ZFAND5: variants seen among roughly 807,000 people sequenced by gnomAD.
ZFAND5 encodes the protein AN1-type zinc finger protein 5.
Under a neutral mutation model 23.6 loss-of-function variants are expected in ZFAND5, and 4 were observed. The observed-to-expected ratio is 0.17, with a 90% confidence interval of 0.08 to 0.39. ZFAND5 has a LOEUF of 0.39. ZFAND5 is among the 10% of genes least tolerant of loss of function. The pLI, the probability that ZFAND5 is intolerant of heterozygous loss-of-function variation, is 1.00. For synonymous variants in ZFAND5, 68 were observed against 80.6 expected (o/e 0.84, Z 0.84); for missense variants, 161 against 253.7 (o/e 0.63, Z 2.48).
At chr9:72,364,517 G>C (rs1842206070) in intron 1 of ZFAND5, 179 bp downstream of exon 1, 1 of 1,280,118 alleles carries the variant, frequency 7.8e-7, no homozygotes, top group African/African-American at 1.6e-5. Flanking sequence ...CACGACGACA[G>C]GATGACGCCT....
In ZFAND5 at chr9:72,359,529, A is replaced by G. The variant is rs1399612479; in HGVS notation, c.264-8T>C. 2 of 1,612,498 alleles carry G rather than the reference A, an allele frequency of 1.2e-6. No individual in the cohort carries two copies. Among genetic ancestry groups the G allele is most frequent in the Non-Finnish European group, 1.7e-6 (2 of 1,179,292 alleles). The stretch of plus-strand genomic sequence containing the variant: ...GCAGCCACAGGCACATTTCTATTTG[A>G]GTTCAAGCAAACAATTTTTAAAGGT... On this transcript the variant is annotated splice_polypyrimidine_tract_variant and splice_region_variant and intron_variant, in intron 4 of 6. Coordinates refer to ENST00000376962, the MANE Select transcript of ZFAND5 (RefSeq NM_001102420.3).
At chr9:72,359,608 T>TAG in intron 4 of ZFAND5, 87 bp from the exon 5 acceptor site, 1 of 1,248,038 alleles carries the variant, frequency 8.0e-7, no homozygotes, top group Non-Finnish European at 1.1e-6. Flanking sequence ...CTTTAAATTA[T>TAG]AGAATATTTC....
chr9:72,363,625 G>T lies in ZFAND5; in HGVS notation c.-146-19C>A. The T allele has an allele frequency of 1.0e-6, 1 of 983,328 alleles. No homozygotes were observed. Among genetic ancestry groups the T allele is most frequent in the Non-Finnish European group, 1.2e-6 (1 of 828,022 alleles). The allele number at this position is 983,328 out of a possible 1,614,324, so 60.9% of individuals were successfully genotyped here. A position where few individuals can be genotyped will look rare whatever the true frequency, so the allele number is the denominator to read the frequency against. On this transcript the variant is annotated intron_variant, in intron 1 of 6. Transcript: ENST00000376962. ...TCAGGGCCTGGGAGATAGAAAACAG[G>T]AGACAACTACAAAGAATCCTTAATT...
chr9:72,357,159 T>G (rs1034945619), intron 5 of ZFAND5, 103 bp from the exon 6 acceptor site: 2 of 1,355,356 alleles, frequency 1.5e-6, no homozygotes, highest in African/African-American at 1.5e-5. Flanking sequence ...CTGATAAAAA[T>G]GTTTATAAGT....
chr9:72,358,668 C>T (rs1842010530), intron 5 of ZFAND5, among the ~76,000 whole-genome samples: 1 of 152,090 alleles, frequency 6.6e-6, no homozygotes, highest in Non-Finnish European at 1.5e-5. Flanking sequence ...ATACAATAAA[C>T]AAACTTGACT....
Position 72,355,780 on chromosome 9 carries a change from A to T in ZFAND5, c.*173T>A. ...ACATTTGTAGGGCTGTATCTATCCA[A>T]TTCTGCCTGTAACAAACACCCAAAC... On this transcript the variant is annotated 3_prime_UTR_variant, in exon 7 of 7. Coordinates refer to ENST00000376962, the MANE Select transcript of ZFAND5 (RefSeq NM_001102420.3). 1.6e-6 allele frequency: 1 copy of T among 621,282 alleles called. No individual in the cohort carries two copies. Among genetic ancestry groups the T allele is most frequent in the Non-Finnish European group, 2.6e-6 (1 of 381,834 alleles). The allele number at this position is 621,282 out of a possible 1,614,324, so 38.5% of individuals were successfully genotyped here.
intron 5 of ZFAND5, among the ~76,000 whole-genome samples, chr9:72,357,404 T>C (rs948181693): frequency 2.0e-5 from 3 of 152,188 alleles, no homozygotes; most frequent in Non-Finnish European, 2.9e-5. Flanking sequence ...TTTTCCACGT[T>C]ATAATTTCCT....
rs1403480510 is a variant in ZFAND5 at position 72,364,552 on chromosome 9, C to T, written c.-147+144G>A. ...TCCGTCTTTGTGCTTCCTGGGCTGG[C>T]GGGCGGGCTCCCCTCCCCCGGACGC... On this transcript the variant is annotated intron_variant, in intron 1 of 6. Coordinates refer to ENST00000376962, the MANE Select transcript of ZFAND5 (RefSeq NM_001102420.3). The T allele has an allele frequency of 3.1e-6, 4 of 1,272,000 alleles. No homozygotes were observed. In the Admixed American group the frequency reaches 9.6e-5, roughly 30 times the overall value. The allele number at this position is 1,272,000 out of a possible 1,614,324, so 78.8% of individuals were successfully genotyped here.
At position 72,354,528 on chromosome 9, in the gene ZFAND5, G is replaced by A. The variant is rs1161068558; in HGVS notation, c.*1425C>T. ...CATCAATGCTGAATAGCATGATTAT[G>A]TGCAATACATAAATATGAACTATCT... On this transcript the variant is annotated 3_prime_UTR_variant, in exon 7 of 7. Transcript: ENST00000376962. 1 of 152,566 alleles carries A rather than the reference G, an allele frequency of 6.6e-6. No homozygotes were observed. Among genetic ancestry groups the A allele is most frequent in the Non-Finnish European group, 1.5e-5 (1 of 68,040 alleles). 9.5% of individuals were successfully genotyped at this position (152,566 alleles called of 1,614,324 possible).
chr9:72,357,884 A>C (rs1259368250), intron 5 of ZFAND5, among the ~76,000 whole-genome samples: 1 of 152,138 alleles, frequency 6.6e-6, no homozygotes, highest in African/African-American at 2.4e-5. Context: ...CAATGAACAA[A>C]AAATACATTA....
chr9:72,360,903 T>A, intron 2 of ZFAND5, 116 bp from the exon 3 acceptor site: 2 of 942,410 alleles, frequency 2.1e-6, no homozygotes, highest in Non-Finnish European at 3.0e-6. Flanking sequence ...CAAATTCCGT[T>A]AATCATTAAA....
chr9:72,364,645 C>CGGCCCGGCAACAAGG, intron 1 of ZFAND5, 51 bp downstream of exon 1: 1 of 1,159,658 alleles, frequency 8.6e-7, no homozygotes, highest in Non-Finnish European at 1.1e-6. Context: ...CTCCCGCCCC[C>CGGCCCGGCAACAAGG]GGCCCGGCAA....
chr9:72,363,705 A>G, intron 1 of ZFAND5, 99 bp from the exon 2 acceptor site: 1 of 936,940 alleles, frequency 1.1e-6, no homozygotes, highest in Non-Finnish European at 1.3e-6. Flanking sequence ...ATAAAATTGC[A>G]GTATTTTCAC....
chr9:72,364,263 TCCCCGAC>T (rs909150177), intron 1 of ZFAND5: 47 of 419,308 alleles, frequency 1.1e-4, no homozygotes, highest in East Asian at 7.9e-4. Context: ...CCCACGCGGA[TCCCCGAC>T]CCCCGACCCC....
rs987195295 is a variant in ZFAND5, at chr9:72,364,401, G to C, written c.-147+295C>G. The C allele has an allele frequency of 5.8e-6, 7 of 1,197,908 alleles. No homozygotes were observed. The African/African-American group carries it at 1.0e-4, about 17-fold the overall frequency. The allele number at this position is 1,197,908 out of a possible 1,614,324, so 74.2% of individuals were successfully genotyped here. ...TGGTGCCCACGCCGGGCGCCGCCGCGGAGGCGAGCGGCCTAGAGGCCGGCC... is the reference window on the plus strand; with the variant it reads ...TGGTGCCCACGCCGGGCGCCGCCGCCGAGGCGAGCGGCCTAGAGGCCGGCC... On this transcript the variant is annotated intron_variant, in intron 1 of 6. Transcript: ENST00000376962.
At chr9:72,356,158 A>C in intron 6 of ZFAND5, 57 bp from the exon 7 acceptor site, 1 of 1,574,176 alleles carries the variant, frequency 6.4e-7, no homozygotes, top group Middle Eastern at 1.7e-4. Context: ...AAAGAAAAAA[A>C]AGCCTTAGTC....
Position 72,359,575 on chromosome 9 carries a change from C to A in ZFAND5, c.264-54G>T, listed in dbSNP as rs1166340189. ...AAGGTGTTAAGGGTACTTCTTGAGACAATGAATAAGTTGTCAGTTCAACTT... is the reference window on the plus strand; with the variant it reads ...AAGGTGTTAAGGGTACTTCTTGAGAAAATGAATAAGTTGTCAGTTCAACTT... On this transcript the variant is annotated intron_variant, in intron 4 of 6. Transcript: ENST00000376962. 20 of 1,480,494 alleles carry A rather than the reference C, an allele frequency of 1.4e-5. No homozygotes were observed. In the Admixed American group the frequency reaches 3.3e-4, roughly 24 times the overall value. The allele number at this position is 1,480,494 out of a possible 1,614,324, so 91.7% of individuals were successfully genotyped here.
chr9:72,359,479 T>G lies in ZFAND5; in HGVS notation c.306A>C (p.Thr102=). Residue 102 remains threonine (T), a synonymous_variant, in exon 5 of 7, where the codon ACA becomes ACC. Coordinates refer to ENST00000376962, the MANE Select transcript of ZFAND5 (RefSeq NM_001102420.3). ...VAALPVTQQM[T]EMSISREDKI... is the part of the protein sequence containing the mutation. ...TGTCCTCTCTTGAAATGCTCATTTC[T>G]GTCATTTGCTGAGTTACAGGCAAGG... 7.4e-6 allele frequency: 12 copies of G among 1,613,774 alleles called. No homozygotes were observed. Among genetic ancestry groups the G allele is most frequent in the Admixed American group, 1.7e-5 (1 of 59,992 alleles).
chr9:72,357,241 T>C (rs777885615), intron 5 of ZFAND5, among the ~76,000 whole-genome samples, 185 bp from the exon 6 acceptor site: 8 of 152,286 alleles, frequency 5.3e-5, no homozygotes, highest in Admixed American at 1.3e-4. Flanking sequence ...ATCTGAGAAA[T>C]TCCTGCCAAT....
Sources: allele counts gnomAD v4.1 joint callset (sites outside exome capture counted in the v4.1 genomes callset), GRCh38; gene constraint gnomAD v4.1.1; transcripts MANE v1.5; gene names NCBI Gene and HGNC (gene_info 2026-07-23, HGNC 2026-07-21).